The following MECOM variants were observed in gnomAD, a reference collection of about 807,000 sequenced individuals.
MECOM encodes the protein histone-lysine N-methyltransferase MECOM.
A neutral mutation model predicts 116.3 loss-of-function variants in MECOM; 13 were observed. That is an observed-to-expected ratio of 0.11 (90% CI 0.07 to 0.18). The LOEUF is 0.18. Ranked by LOEUF, MECOM falls within the 10% of genes least tolerant of loss-of-function variation. The probability of loss-of-function intolerance (pLI) is 1.00; values close to 1 mark genes in which losing one functional copy is unlikely to be tolerated. For missense variants in MECOM, 1,299 were observed against 1,509.0 expected, an observed-to-expected ratio of 0.86 and a Z score of 2.31; for synonymous variants, 528 against 535.2, an observed-to-expected ratio of 0.99 and a Z score of 0.19.
chr3:169,626,577 G>A (rs1478242365), intron 1 of MECOM, among the ~76,000 whole-genome samples: 1 of 152,132 alleles, frequency 6.6e-6, no homozygotes, highest in Non-Finnish European at 1.5e-5. Flanking sequence ...CAGAGGTTTG[G>A]TTTGCCCAGG....
At chr3:169,407,992 C>A (rs574308443) in intron 1 of MECOM, among the ~76,000 whole-genome samples, 5 of 152,208 alleles carry the variant, frequency 3.3e-5, no homozygotes, top group African/African-American at 1.2e-4. Flanking sequence ...AGATCTGCAC[C>A]AACAGTGTTA....
chr3:169,652,170 T>C (rs1481759055), intron 1 of MECOM, among the ~76,000 whole-genome samples: 1 of 152,198 alleles, frequency 6.6e-6, no homozygotes, highest in East Asian at 1.9e-4. Flanking sequence ...AAAATGTTTC[T>C]TGCATGTGTA....
intron 2 of MECOM, among the ~76,000 whole-genome samples, chr3:169,204,120 C>A (rs1242476362): frequency 1.3e-5 from 2 of 152,198 alleles, no homozygotes; most frequent in Non-Finnish European, 2.9e-5. Context: ...AAGGTGGAAA[C>A]CCTAAACCAC....
At chr3:169,177,747 T>G (rs1464433377) in intron 2 of MECOM, among the ~76,000 whole-genome samples, 2 of 151,794 alleles carry the variant, frequency 1.3e-5, no homozygotes, top group African/African-American at 4.8e-5. Flanking sequence ...TGAAATACTG[T>G]CTCTACTAAA....
chr3:169,218,535 A>G (rs549948636), intron 2 of MECOM, among the ~76,000 whole-genome samples: 1 of 152,296 alleles, frequency 6.6e-6, no homozygotes, highest in East Asian at 1.9e-4. Flanking sequence ...TTACAAATCA[A>G]GGAGTGCTAT....
At chr3:169,451,294 A>T (rs1745543117) in intron 1 of MECOM, among the ~76,000 whole-genome samples, 1 of 151,916 alleles carries the variant, frequency 6.6e-6, no homozygotes, top group South Asian at 2.1e-4. Context: ...AGTGCGCAGC[A>T]TCTTATTTCC....
At chr3:169,445,444 G>A (rs1202515601) in intron 1 of MECOM, among the ~76,000 whole-genome samples, 1 of 152,252 alleles carries the variant, frequency 6.6e-6, no homozygotes, top group African/African-American at 2.4e-5. Flanking sequence ...GAGCCTGTGA[G>A]TACACAGAAG....
At chr3:169,657,571 C>T (rs1029665422) in intron 1 of MECOM, among the ~76,000 whole-genome samples, 11 of 152,110 alleles carry the variant, frequency 7.2e-5, no homozygotes, top group Admixed American at 7.2e-4. Flanking sequence ...TGGCAAGAAG[C>T]CAGAACCCAG....
At chr3:169,148,389 C>G (rs1450801379) in intron 2 of MECOM, among the ~76,000 whole-genome samples, 1 of 149,300 alleles carries the variant, frequency 6.7e-6, no homozygotes, top group Non-Finnish European at 1.5e-5. Flanking sequence ...ACATTTAAAC[C>G]AATACATTGT....
At chr3:169,120,857 A>T in intron 7 of MECOM, 199 bp downstream of exon 7, 1 of 447,524 alleles carries the variant, frequency 2.2e-6, no homozygotes, top group East Asian at 3.7e-5. Context: ...GAAAGAAAAC[A>T]CCCCAGGAAT....
At chr3:169,471,801 T>A (rs1444381625) in intron 1 of MECOM, among the ~76,000 whole-genome samples, 1 of 152,226 alleles carries the variant, frequency 6.6e-6, no homozygotes, top group South Asian at 2.1e-4. Context: ...TTTCTCCTTG[T>A]AAGTTCCCAT....
chr3:169,592,851 A>T (rs1002023507), intron 1 of MECOM, among the ~76,000 whole-genome samples: 2 of 152,210 alleles, frequency 1.3e-5, no homozygotes, highest in Non-Finnish European at 2.9e-5. Context: ...ATACACATGG[A>T]TACATACTTA....
chr3:169,457,086 G>A (rs1018310837), intron 1 of MECOM, among the ~76,000 whole-genome samples: 9 of 152,076 alleles, frequency 5.9e-5, no homozygotes, highest in Admixed American at 2.6e-4. Flanking sequence ...CAACCTCATC[G>A]TTCTCCAGCT....
chr3:169,155,462 C>T (rs1276774180), intron 2 of MECOM, among the ~76,000 whole-genome samples: 2 of 152,156 alleles, frequency 1.3e-5, no homozygotes, highest in Non-Finnish European at 2.9e-5. Flanking sequence ...CCCACTGGCA[C>T]TGGTCTAGTG....
At chr3:169,615,245 C>T (rs1769855249) in intron 1 of MECOM, among the ~76,000 whole-genome samples, 1 of 152,206 alleles carries the variant, frequency 6.6e-6, no homozygotes, top group Non-Finnish European at 1.5e-5. Flanking sequence ...CTCTAGCCAA[C>T]TATAAAGTTA....
intron 1 of MECOM, among the ~76,000 whole-genome samples, chr3:169,431,212 G>C (rs908802523): frequency 6.6e-6 from 1 of 152,154 alleles, no homozygotes; most frequent in Non-Finnish European, 1.5e-5. Flanking sequence ...CAAACCCAAA[G>C]TCATTAGCTG....
chr3:169,631,989 C>T (rs577271658), intron 1 of MECOM, among the ~76,000 whole-genome samples: 1 of 152,142 alleles, frequency 6.6e-6, no homozygotes, highest in South Asian at 2.1e-4. Context: ...AGAACAGCAG[C>T]ATTTTGAATC....
At chr3:169,618,951 G>C (rs891252507) in intron 1 of MECOM, among the ~76,000 whole-genome samples, 1 of 151,476 alleles carries the variant, frequency 6.6e-6, no homozygotes, top group African/African-American at 2.4e-5. Flanking sequence ...TAAGAAAAAA[G>C]ACAGTTGTTT....
intron 2 of MECOM, among the ~76,000 whole-genome samples, chr3:169,248,607 T>G (rs1220051589): frequency 6.6e-6 from 1 of 152,302 alleles, no homozygotes; most frequent in East Asian, 1.9e-4. Flanking sequence ...TCCTCATATA[T>G]TAAAGCCCTA....
Sources: gnomAD v4.1 joint callset for allele counts (sites outside exome capture counted in the v4.1 genomes callset) on GRCh38, gnomAD v4.1.1 for gene constraint, MANE v1.5 for transcripts, NCBI Gene and HGNC (gene_info 2026-07-23, HGNC 2026-07-21) for gene names.